The following NOL9 variants were observed in gnomAD, a reference collection of about 807,000 sequenced individuals.
NOL9 encodes the protein nucleolar protein 9, also known as polynucleotide 5'-hydroxyl-kinase NOL9.
NOL9 carries 28 observed loss-of-function variants against 67.9 expected under a neutral mutation model. The observed-to-expected ratio is 0.41, with a 90% confidence interval of 0.31 to 0.57. The LOEUF (loss-of-function observed/expected upper bound fraction) is 0.57. Among genes scored for constraint, NOL9 ranks in the 20% least tolerant of loss-of-function variants. The probability of loss-of-function intolerance (pLI) is 0.25; values close to 1 mark genes in which losing one functional copy is unlikely to be tolerated. For missense variants in NOL9, 777 were observed against 897.0 expected (o/e 0.87, Z 1.71); for synonymous variants, 356 against 352.2 (o/e 1.01, Z -0.12).
Position 6,529,057 on chromosome 1 carries a change from T to C in NOL9, c.1762A>G (p.Arg588Gly). 6.2e-7 allele frequency: 1 copy of C among 1,614,132 alleles called. No individual in the cohort carries two copies. Among genetic ancestry groups the C allele is most frequent in the Non-Finnish European group, 8.5e-7 (1 of 1,180,016 alleles). The change falls in exon 10 of 12, where the codon AGA becomes GGA. Residue 588 changes from arginine (R) to glycine (G), a missense_variant. By Grantham distance (125) the Arg-to-Gly change is moderately radical. Coordinates refer to ENST00000377705, the MANE Select transcript of NOL9 (RefSeq NM_024654.5). Reference protein sequence around the residue: ...VGLCKIQDDVRGYTNGPILLA... With the variant: ...VGLCKIQDDVGGYTNGPILLA... ...AGGATGGGCCCATTCGTGTATCCTC[T>C]GACGTCATCCTGGATCTTGCAAAGA...
chr1:6,536,070 G>A (rs1274956835), intron 6 of NOL9, among the ~76,000 whole-genome samples: 1 of 152,188 alleles, frequency 6.6e-6, no homozygotes, highest in Non-Finnish European at 1.5e-5. Context: ...GTGTGGGCCG[G>A]GTGCGGTAGC....
At chr1:6,549,315 T>C (rs1639490067) in intron 3 of NOL9, 1 of 333,630 alleles carries the variant, frequency 3.0e-6, no homozygotes, top group African/African-American at 2.1e-5. Context: ...GAGCATGGTG[T>C]TAATAAAAAC....
intron 5 of NOL9, among the ~76,000 whole-genome samples, chr1:6,543,192 C>A (rs1420078369): frequency 8.7e-6 from 1 of 114,646 alleles, no homozygotes; most frequent in African/African-American, 3.0e-5. Context: ...CGGTGCCCAG[C>A]CTTTTTTTCT....
At chr1:6,534,392 A>T (rs528815784) in intron 6 of NOL9, among the ~76,000 whole-genome samples, 1 of 152,290 alleles carries the variant, frequency 6.6e-6, no homozygotes, top group African/African-American at 2.4e-5. Flanking sequence ...TGAGCAGTTC[A>T]ATGAGGGCAG....
At chr1:6,545,009 G>C (rs749709118) in intron 4 of NOL9, 36 bp downstream of exon 4, 7 of 1,613,964 alleles carry the variant, frequency 4.3e-6, no homozygotes, top group Middle Eastern at 3.3e-4. Flanking sequence ...GGGTCTGGTG[G>C]ACAGACATTC....
At chr1:6,546,589 C>T (rs1639425770) in intron 3 of NOL9, among the ~76,000 whole-genome samples, 2 of 152,132 alleles carry the variant, frequency 1.3e-5, no homozygotes, top group South Asian at 4.1e-4. Context: ...TTCCTCTAGC[C>T]ACTATGAATG....
intron 3 of NOL9, 132 bp downstream of exon 3, chr1:6,549,439 G>T: frequency 1.0e-6 from 1 of 954,820 alleles, no homozygotes; most frequent in Non-Finnish European, 1.5e-6. Flanking sequence ...CCGTATACAC[G>T]TATTACATTC....
At chr1:6,545,991 G>C (rs1639414599) in intron 3 of NOL9, among the ~76,000 whole-genome samples, 1 of 146,110 alleles carries the variant, frequency 6.8e-6, no homozygotes, top group Non-Finnish European at 1.5e-5. Flanking sequence ...CTGGATCTTA[G>C]AAAACAACAG....
chr1:6,553,972 G>T, intron 1 of NOL9, 135 bp downstream of exon 1: 1 of 669,970 alleles, frequency 1.5e-6, no homozygotes, highest in African/African-American at 1.9e-5. Flanking sequence ...CCATCAAGAG[G>T]ATGGACTTGA....
rs1367358812 is a variant in NOL9 at position 6,549,222 on chromosome 1, A to ATG, written c.744+348_744+349insCA. On this transcript the variant is annotated intron_variant, in intron 3 of 11. Coordinates refer to ENST00000377705, the MANE Select transcript of NOL9 (RefSeq NM_024654.5). ...AGTGAGGTTGAGGTCGCACCACTGC[A>ATG]CTCCAGCCTGAGTGACAGAGTGAGA... The ATG allele has an allele frequency of 9.1e-5, 18 of 197,614 alleles. No homozygotes were observed. In the East Asian group the frequency reaches 2.2e-3, roughly 25 times the overall value. 12.2% of individuals were successfully genotyped at this position (197,614 alleles called of 1,614,324 possible). A position where few individuals can be genotyped will look rare whatever the true frequency, so the allele number is the denominator to read the frequency against.
chr1:6,552,539 C>A (rs923614318), intron 1 of NOL9, among the ~76,000 whole-genome samples: 1 of 151,328 alleles, frequency 6.6e-6, no homozygotes, highest in Non-Finnish European at 1.5e-5. Flanking sequence ...TCTCCTGCCT[C>A]TGCCTCCAGA....
rs183996610 is a variant in NOL9, at chr1:6,538,480, T to C, written c.1075+3350A>G. Among the ~76,000 whole-genome samples, 135 of 152,250 alleles carry C rather than the reference T, an allele frequency of 8.9e-4. 1 individual carries two copies. Among genetic ancestry groups the C allele is most frequent in the African/African-American group, 3.2e-3 (131 of 41,560 alleles). ...TGAGGTCAGGAGTTCGAGACCAGCCTGGCCAACATGGTGAAACCCCATCTC... is the reference window on the plus strand; with the variant it reads ...TGAGGTCAGGAGTTCGAGACCAGCCCGGCCAACATGGTGAAACCCCATCTC... On this transcript the variant is annotated intron_variant, in intron 6 of 11. Coordinates refer to ENST00000377705, the MANE Select transcript of NOL9 (RefSeq NM_024654.5).
In NOL9 at chr1:6,530,358, G is replaced by C. The variant is rs1362763924; in HGVS notation, c.1648-1187C>G. 3.3e-5 allele frequency among the ~76,000 whole-genome samples: 5 copies of C among 152,308 alleles called. No individual in the cohort carries two copies. The East Asian group carries it at 9.7e-4, about 29-fold the overall frequency. ...AATCCCAGCTACTCGGGAGGCTGACGCAGGAGAATCGCTTGAACCCGGGAG... is the reference window on the plus strand; with the variant it reads ...AATCCCAGCTACTCGGGAGGCTGACCCAGGAGAATCGCTTGAACCCGGGAG... On this transcript the variant is annotated intron_variant, in intron 9 of 11. Transcript: ENST00000377705.
intron 1 of NOL9, among the ~76,000 whole-genome samples, chr1:6,553,637 C>T (rs1005335596): frequency 2.0e-5 from 3 of 151,640 alleles, no homozygotes; most frequent in African/African-American, 4.8e-5. Flanking sequence ...GTCAGGAGAT[C>T]GAGACTATCC....
At chr1:6,539,353 T>C (rs1244772695) in intron 6 of NOL9, among the ~76,000 whole-genome samples, 1 of 152,232 alleles carries the variant, frequency 6.6e-6, no homozygotes, top group Non-Finnish European at 1.5e-5. Flanking sequence ...TGAATACCCA[T>C]GTTCATAGCA....
intron 10 of NOL9, 131 bp from the exon 11 acceptor site, chr1:6,526,960 A>T: frequency 2.4e-6 from 3 of 1,250,242 alleles, no homozygotes; most frequent in Non-Finnish European, 3.2e-6. Context: ...AAATACAAAG[A>T]GCTGGCCAGG....
At chr1:6,526,649 G>A in intron 11 of NOL9, 47 bp downstream of exon 11, 1 of 1,554,318 alleles carries the variant, frequency 6.4e-7, no homozygotes, top group Non-Finnish European at 8.7e-7. Flanking sequence ...TCACTTCTGT[G>A]GACCTGAGTA....
intron 8 of NOL9, 117 bp from the exon 9 acceptor site, chr1:6,532,196 C>T (rs926180973): frequency 1.2e-6 from 1 of 832,734 alleles, no homozygotes; most frequent in Admixed American, 2.4e-5. Flanking sequence ...ACACTGCCCC[C>T]CCTTGACGGA....
chr1:6,535,763 C>T (rs1639138355), intron 6 of NOL9, among the ~76,000 whole-genome samples: 1 of 151,942 alleles, frequency 6.6e-6, no homozygotes. Context: ...CCCACCTCTA[C>T]TAAAAATACA....
Sources: allele counts gnomAD v4.1 joint callset (sites outside exome capture counted in the v4.1 genomes callset), GRCh38; gene constraint gnomAD v4.1.1; transcripts MANE v1.5; gene names NCBI Gene and HGNC (gene_info 2026-07-23, HGNC 2026-07-21).